LYPD6B: variants seen among roughly 807,000 people sequenced by gnomAD.
The protein encoded by LYPD6B is ly6/PLAUR domain-containing protein 6B.
Under a neutral mutation model 22.8 loss-of-function variants are expected in LYPD6B, and 17 were observed. That is an observed-to-expected ratio of 0.75 (90% CI 0.51 to 1.12). The LOEUF is 1.12. Ranked by LOEUF, LYPD6B falls within the 50% of genes most tolerant of loss-of-function variation. The pLI is 0.00. For missense variants in LYPD6B, 221 were observed against 258.3 expected, an observed-to-expected ratio of 0.86 and a Z score of 0.99; for synonymous variants, 106 against 91.6, an observed-to-expected ratio of 1.16 and a Z score of -0.90.
intron 3 of LYPD6B, among the ~76,000 whole-genome samples, chr2:149,162,700 T>C (rs1198746865): frequency 6.6e-6 from 1 of 152,238 alleles, no homozygotes; most frequent in East Asian, 1.9e-4. Flanking sequence ...CCAGTTGTAG[T>C]CATGAACACT....
chr2:149,113,813 T>C (rs1173537384), intron 1 of LYPD6B, among the ~76,000 whole-genome samples: 1 of 152,190 alleles, frequency 6.6e-6, no homozygotes, highest in African/African-American at 2.4e-5. Context: ...CTGAGTTCAG[T>C]TGGCTTCCTG....
At chr2:149,161,197 TTCAAAAGTG>T (rs1237005174) in intron 3 of LYPD6B, among the ~76,000 whole-genome samples, 1 of 152,176 alleles carries the variant, frequency 6.6e-6, no homozygotes, top group Non-Finnish European at 1.5e-5. Flanking sequence ...TGGAGCAATG[TTCAAAAGTG>T]TCTGCATTAA....
chr2:149,214,285 T>G (rs919378692), intron 6 of LYPD6B, among the ~76,000 whole-genome samples: 1 of 152,178 alleles, frequency 6.6e-6, no homozygotes, highest in African/African-American at 2.4e-5. Context: ...TTTCTCTTCC[T>G]CTTTGCCTTG....
intron 3 of LYPD6B, among the ~76,000 whole-genome samples, chr2:149,181,393 G>C (rs1288311627): frequency 6.6e-6 from 1 of 152,162 alleles, no homozygotes; most frequent in Admixed American, 6.5e-5. Flanking sequence ...CAGCTTTGCT[G>C]TTGTTCAGTG....
chr2:149,090,083 G>T (rs1685581285), intron 1 of LYPD6B, among the ~76,000 whole-genome samples: 1 of 152,000 alleles, frequency 6.6e-6, no homozygotes. Context: ...GTATTGGAAG[G>T]GTCAGTAAAT....
At chr2:149,139,336 G>A (rs187230120) in intron 2 of LYPD6B, among the ~76,000 whole-genome samples, 34 of 152,306 alleles carry the variant, frequency 2.2e-4, no homozygotes, top group Admixed American at 5.2e-4. Context: ...TTGTCCAAGG[G>A]TGAAGGCCCC....
chr2:149,120,294 T>C (rs1575002208), intron 1 of LYPD6B, among the ~76,000 whole-genome samples: 1 of 118,854 alleles, frequency 8.4e-6, no homozygotes, highest in Non-Finnish European at 1.6e-5. Context: ...TGCATGTATA[T>C]ACACATATAT....
intron 1 of LYPD6B, among the ~76,000 whole-genome samples, chr2:149,129,539 A>T (rs565982565): frequency 1.3e-5 from 2 of 152,324 alleles, no homozygotes; most frequent in South Asian, 4.1e-4. Context: ...AGCTTTGTGG[A>T]TTTCCTCCTC....
chr2:149,163,413 T>C (rs1690211193), intron 3 of LYPD6B, among the ~76,000 whole-genome samples: 1 of 152,114 alleles, frequency 6.6e-6, no homozygotes, highest in African/African-American at 2.4e-5. Flanking sequence ...ACCCACAAAA[T>C]AGATAGTACA....
intron 1 of LYPD6B, among the ~76,000 whole-genome samples, chr2:149,051,128 A>G (rs952686709): frequency 6.6e-6 from 1 of 151,682 alleles, no homozygotes; most frequent in Non-Finnish European, 1.5e-5. Context: ...ATTTATCAAC[A>G]TTTTCTATGT....
intron 2 of LYPD6B, among the ~76,000 whole-genome samples, chr2:149,144,790 G>A (rs916231550): frequency 2.6e-5 from 4 of 152,182 alleles, no homozygotes; most frequent in Admixed American, 1.3e-4. Context: ...CCCCAGAAGA[G>A]GAGATACTAT....
At chr2:149,069,300 A>T (rs1684488085) in intron 1 of LYPD6B, among the ~76,000 whole-genome samples, 1 of 152,126 alleles carries the variant, frequency 6.6e-6, no homozygotes, top group Admixed American at 6.6e-5. Context: ...GTAACATAAT[A>T]ACTAGTTTTT....
intron 1 of LYPD6B, among the ~76,000 whole-genome samples, chr2:149,080,869 C>CAAAAAAT: frequency 1.1e-5 from 1 of 87,026 alleles, no homozygotes. Context: ...AAAAAAAAAC[C>CAAAAAAT]ACACAAAAAA....
At chr2:149,049,675 C>A (rs999955611) in intron 1 of LYPD6B, among the ~76,000 whole-genome samples, 5 of 152,154 alleles carry the variant, frequency 3.3e-5, no homozygotes, top group Admixed American at 6.5e-5. Flanking sequence ...CCCAGGATTT[C>A]AGAGCTTATG....
rs10192886 is a variant in LYPD6B, at chr2:149,185,066, C to A, written c.78-20187C>A. Among the ~76,000 whole-genome samples the A allele has an allele frequency of 8.3e-3, 1,267 of 152,304 alleles. 24 individuals are homozygous for A. Among genetic ancestry groups the A allele is most frequent in the African/African-American group, 0.029 (1,211 of 41,552 alleles). On this transcript the variant is annotated intron_variant, in intron 3 of 6. Coordinates refer to ENST00000409642, the MANE Select transcript of LYPD6B (RefSeq NM_177964.5). ...AGGGATGAAAGATTACTCCTGCCAT[C>A]AGGGAGCTCAAATGTGGTAAGAGAG...
chr2:149,174,463 G>C (rs1691106913), intron 3 of LYPD6B, among the ~76,000 whole-genome samples: 2 of 152,280 alleles, frequency 1.3e-5, no homozygotes, highest in South Asian at 4.1e-4. Flanking sequence ...TCTTGTGCTA[G>C]TTTTCAAAGA....
chr2:149,128,966 A>T (rs1687862178), intron 1 of LYPD6B, among the ~76,000 whole-genome samples: 1 of 152,236 alleles, frequency 6.6e-6, no homozygotes, highest in Non-Finnish European at 1.5e-5. Context: ...CAAATGAGAG[A>T]AAAGGAGACT....
chr2:149,065,858 G>A (rs1454784639), intron 1 of LYPD6B, among the ~76,000 whole-genome samples: 1 of 152,108 alleles, frequency 6.6e-6, no homozygotes, highest in Non-Finnish European at 1.5e-5. Context: ...ACAGGGGCAT[G>A]CCACTGTGTC....
chr2:149,109,152 G>A (rs982313127), intron 1 of LYPD6B, among the ~76,000 whole-genome samples: 1 of 152,102 alleles, frequency 6.6e-6, no homozygotes, highest in Non-Finnish European at 1.5e-5. Context: ...ATTCCTTTAT[G>A]TAGATTCATA....
Sources: allele counts gnomAD v4.1 joint callset (sites outside exome capture counted in the v4.1 genomes callset), GRCh38; gene constraint gnomAD v4.1.1; transcripts MANE v1.5; gene names NCBI Gene and HGNC (gene_info 2026-07-23, HGNC 2026-07-21).